Variants in CATSPERT observed in about 807,000 individuals in gnomAD.
The protein encoded by CATSPERT is cation channel sperm-associated targeting subunit tau.
chr2:201,586,864 T>G, the CATSPERT span, among the ~76,000 whole-genome samples: 3 of 152,154 alleles, frequency 2.0e-5, no homozygotes, highest in African/African-American at 7.2e-5. Flanking sequence ...TTGTTACTAA[T>G]TTCTTCCTCT....
At chr2:201,528,148 G>GTA in the CATSPERT span, among the ~76,000 whole-genome samples, 4 of 151,270 alleles carry the variant, frequency 2.6e-5, no homozygotes, top group African/African-American at 9.7e-5. Context: ...ACCAATAAAC[G>GTA]TATGAAAATA....
At chr2:201,619,111 GTC>G in the CATSPERT span, 3 of 1,614,202 alleles carry the variant, frequency 1.9e-6, no homozygotes, top group South Asian at 3.3e-5. Context: ...AGGCCTATTT[GTC>G]TCTTGGGGTG....
chr2:201,517,587 C>G, the CATSPERT span, among the ~76,000 whole-genome samples: 1 of 152,168 alleles, frequency 6.6e-6, no homozygotes, highest in South Asian at 2.1e-4. Flanking sequence ...AAAGAGAGGA[C>G]TATATTATTT....
the CATSPERT span, among the ~76,000 whole-genome samples, chr2:201,540,030 G>A: frequency 6.6e-6 from 1 of 152,122 alleles, no homozygotes; most frequent in South Asian, 2.1e-4. Context: ...TAATAATCTG[G>A]ACAGAAGATT....
At chr2:201,544,120 G>T in the CATSPERT span, among the ~76,000 whole-genome samples, 1 of 151,840 alleles carries the variant, frequency 6.6e-6, no homozygotes, top group African/African-American at 2.4e-5. Context: ...TCGTTTTTTT[G>T]TCCTTGTGAT....
the CATSPERT span, among the ~76,000 whole-genome samples, chr2:201,581,558 A>G: frequency 9.9e-5 from 5 of 50,330 alleles, no homozygotes; most frequent in Non-Finnish European, 1.4e-4. Context: ...GTATATATAT[A>G]TATATATATA....
the CATSPERT span, among the ~76,000 whole-genome samples, chr2:201,599,139 C>G: frequency 6.6e-6 from 1 of 152,058 alleles, no homozygotes; most frequent in Admixed American, 6.6e-5. Context: ...GTCATGTCCC[C>G]TACTCTCAGA....
chr2:201,487,923 T>C, the CATSPERT span: 2 of 1,544,672 alleles, frequency 1.3e-6, no homozygotes, highest in Admixed American at 2.1e-5. Context: ...AAATAAAAGA[T>C]CCAATTGGTA....
At chr2:201,502,240 T>C in the CATSPERT span, among the ~76,000 whole-genome samples, 2 of 152,170 alleles carry the variant, frequency 1.3e-5, no homozygotes, top group Admixed American at 6.5e-5. Context: ...TTCATTACTA[T>C]AAAGATGTCA....
chr2:201,522,828 G>A, the CATSPERT span, among the ~76,000 whole-genome samples: 395 of 152,284 alleles, frequency 2.6e-3, 2 homozygotes, highest in African/African-American at 8.6e-3. Flanking sequence ...GTTGACTGTT[G>A]GACCTGGATA....
the CATSPERT span, among the ~76,000 whole-genome samples, chr2:201,547,250 T>C: frequency 4.6e-5 from 7 of 152,130 alleles, no homozygotes; most frequent in Non-Finnish European, 7.4e-5. Context: ...GCCACTGAGT[T>C]CTATACTTTA....
chr2:201,545,936 C>G, the CATSPERT span, among the ~76,000 whole-genome samples: 1 of 152,048 alleles, frequency 6.6e-6, no homozygotes, highest in African/African-American at 2.4e-5. Flanking sequence ...AATATTGTAA[C>G]TTCAGGGGGT....
At chr2:201,491,525 T>C in the CATSPERT span, 3 of 1,535,958 alleles carry the variant, frequency 2.0e-6, no homozygotes, top group South Asian at 3.6e-5. Context: ...TTTTTATTAT[T>C]GTTATTATTT....
At chr2:201,491,109 T>C in the CATSPERT span, 1 of 1,391,440 alleles carries the variant, frequency 7.2e-7, no homozygotes, top group Non-Finnish European at 9.6e-7. Context: ...ATATACACCC[T>C]AAATTATTGC....
At chr2:201,560,316 C>T in the CATSPERT span, among the ~76,000 whole-genome samples, 64,155 of 151,242 alleles carry the variant, frequency 0.42, 14,225 homozygotes, top group East Asian at 0.75. Context: ...TCCAGCTACT[C>T]GGAGGCTGAG....
At chr2:201,554,638 T>C in the CATSPERT span, 1 of 152,184 alleles carries the variant, frequency 6.6e-6, no homozygotes, top group East Asian at 1.9e-4. Context: ...ACATCATCTC[T>C]CCAAAGAATC....
chr2:201,590,950 G>C, the CATSPERT span, among the ~76,000 whole-genome samples: 1 of 152,172 alleles, frequency 6.6e-6, no homozygotes, highest in African/African-American at 2.4e-5. Flanking sequence ...CACTCTGATG[G>C]TAGTTTCTTT....
At chr2:201,574,902 C>T in the CATSPERT span, among the ~76,000 whole-genome samples, 22 of 151,936 alleles carry the variant, frequency 1.4e-4, no homozygotes, top group South Asian at 1.0e-3. Context: ...TCTTTAGAAA[C>T]GCTCCAGAGA....
the CATSPERT span, among the ~76,000 whole-genome samples, chr2:201,597,220 A>G: frequency 1.3e-5 from 2 of 152,172 alleles, no homozygotes; most frequent in Non-Finnish European, 2.9e-5. Flanking sequence ...TTCTGGGACT[A>G]TTTAATGAGA....
Sources: gnomAD v4.1 joint callset for allele counts (sites outside exome capture counted in the v4.1 genomes callset) on GRCh38, gnomAD v4.1.1 for gene constraint, MANE v1.5 for transcripts, NCBI Gene and HGNC (gene_info 2026-07-23, HGNC 2026-07-21) for gene names.